Variants in SH3BP5 observed in about 807,000 individuals in gnomAD.
The protein encoded by SH3BP5 is SH3 domain-binding protein 5.
SH3BP5 carries 22 observed loss-of-function variants against 43.3 expected under a neutral mutation model. The observed-to-expected ratio is 0.51, with a 90% CI of 0.36 to 0.73. SH3BP5 has a LOEUF of 0.73. Among genes scored for constraint, SH3BP5 ranks in the 30% least tolerant of loss-of-function variants. The probability of loss-of-function intolerance (pLI) is 0.00; values close to 1 mark genes in which losing one functional copy is unlikely to be tolerated. For missense variants in SH3BP5, 529 were observed against 586.9 expected (o/e 0.90, Z 1.02); for synonymous variants, 255 against 225.8 (o/e 1.13, Z -1.16).
intron 2 of SH3BP5, among the ~76,000 whole-genome samples, chr3:15,324,846 T>A (rs1698420601): frequency 7.4e-6 from 1 of 135,872 alleles, no homozygotes; most frequent in Non-Finnish European, 1.6e-5. Context: ...GTACCATTGC[T>A]CCTTGGGTCC....
upstream of SH3BP5, among the ~76,000 whole-genome samples, chr3:15,333,622 C>T (rs761863672): frequency 2.0e-5 from 3 of 152,124 alleles, no homozygotes; most frequent in African/African-American, 7.2e-5. Flanking sequence ...CTGGACAATA[C>T]AGCCAGACCC....
intron 2 of SH3BP5, among the ~76,000 whole-genome samples, chr3:15,316,566 A>C (rs943958602): frequency 6.6e-6 from 1 of 152,158 alleles, no homozygotes; most frequent in Non-Finnish European, 1.5e-5. Flanking sequence ...TTACATAGGC[A>C]ACAGAATGGA....
intron 2 of SH3BP5, among the ~76,000 whole-genome samples, chr3:15,325,110 A>T (rs1698428586): frequency 6.6e-6 from 1 of 152,268 alleles, no homozygotes. Context: ...TGAAAACATT[A>T]CAAATTGTGC....
chr3:15,274,881 G>A (rs997414938), intron 3 of SH3BP5, among the ~76,000 whole-genome samples: 1 of 152,206 alleles, frequency 6.6e-6, no homozygotes, highest in Non-Finnish European at 1.5e-5. Context: ...CAGATCTCAT[G>A]AGAACTCATT....
intron 2 of SH3BP5, among the ~76,000 whole-genome samples, chr3:15,319,784 G>C (rs1185039155): frequency 6.6e-6 from 1 of 152,126 alleles, no homozygotes; most frequent in Non-Finnish European, 1.5e-5. Context: ...TCAGACACAA[G>C]AGTAGGCCAT....
chr3:15,280,661 C>T (rs918324328), intron 3 of SH3BP5, among the ~76,000 whole-genome samples: 3 of 152,198 alleles, frequency 2.0e-5, no homozygotes, highest in Non-Finnish European at 4.4e-5. Flanking sequence ...GTCCCCAAAA[C>T]ACACACGCAA....
chr3:15,271,100 T>A (rs1696785258), intron 3 of SH3BP5, among the ~76,000 whole-genome samples: 1 of 152,022 alleles, frequency 6.6e-6, no homozygotes, highest in African/African-American at 2.4e-5. Context: ...TAATTTCAGC[T>A]GGGTGCAATG....
intron 3 of SH3BP5, chr3:15,271,751 C>T (rs749692522): frequency 6.6e-6 from 1 of 152,140 alleles, no homozygotes; most frequent in African/African-American, 2.4e-5. Context: ...CACAGGGAAA[C>T]TTACAATTAT....
upstream of SH3BP5, among the ~76,000 whole-genome samples, chr3:15,335,922 C>T (rs1698695908): frequency 6.6e-6 from 1 of 152,068 alleles, no homozygotes; most frequent in African/African-American, 2.4e-5. Context: ...TTTTATTTTT[C>T]ACAAGGAAGA....
chr3:15,294,402 G>A (rs772936576), intron 3 of SH3BP5, among the ~76,000 whole-genome samples: 10 of 151,964 alleles, frequency 6.6e-5, no homozygotes, highest in Non-Finnish European at 1.0e-4. Context: ...TACAAAGAGT[G>A]TTGAAATTAC....
Position 15,269,706 on chromosome 3 carries a change from C to T in SH3BP5, c.495+7G>A, listed in dbSNP as rs769131566. On this transcript the variant is annotated splice_region_variant and intron_variant, in intron 4 of 8. Transcript: ENST00000383791. The stretch of plus-strand genomic sequence containing the variant: ...ACCCCCACAGCACACCCGGCCATGA[C>T]TCATACCCTCTGAGTGGCGTGATTC... 1 of 1,583,540 alleles carries T rather than the reference C, an allele frequency of 6.3e-7. No individual in the cohort carries two copies. The highest frequency in any genetic ancestry group is 8.6e-7 in the Non-Finnish European group (1 of 1,162,226).
At chr3:15,259,129 A>C (rs2125042571) in intron 6 of SH3BP5, 79 bp from the exon 7 acceptor site, 1 of 1,141,690 alleles carries the variant, frequency 8.8e-7, no homozygotes, top group East Asian at 2.4e-5. Flanking sequence ...GTTCAAGTAC[A>C]TTTTCTGCCC....
At chr3:15,294,204 T>C (rs914741383) in intron 3 of SH3BP5, among the ~76,000 whole-genome samples, 1 of 151,532 alleles carries the variant, frequency 6.6e-6, no homozygotes, top group Non-Finnish European at 1.5e-5. Flanking sequence ...CCCAGGCCCC[T>C]AGCACAGCCT....
chr3:15,332,755 A>AC, upstream of SH3BP5: 1 of 733,658 alleles, frequency 1.4e-6, no homozygotes, highest in Non-Finnish European at 1.7e-6. Flanking sequence ...GACAGCCCCC[A>AC]CCCCCTTGTA....
intron 4 of SH3BP5, among the ~76,000 whole-genome samples, chr3:15,268,203 G>A (rs987332589): frequency 2.6e-5 from 4 of 152,206 alleles, no homozygotes; most frequent in Non-Finnish European, 5.9e-5. Context: ...AAGTCAACGC[G>A]GATTTGACTC....
At chr3:15,260,569 C>G (rs1696397221) in intron 5 of SH3BP5, 1 of 152,386 alleles carries the variant, frequency 6.6e-6, no homozygotes, top group African/African-American at 2.4e-5. Flanking sequence ...GACAAGGACA[C>G]AGGACTGCCA....
chr3:15,325,446 C>A lies in SH3BP5; in HGVS notation c.201+5058G>T, dbSNP rs958512316. ...CTCCAGCTGGAATGTTCTTCCCCCA[C>A]ATGGCCTGAGGCTTGCTCACTCTCT... On this transcript the variant is annotated intron_variant, in intron 2 of 8. Coordinates refer to ENST00000383791, the MANE Select transcript of SH3BP5 (RefSeq NM_004844.5). 3.9e-5 allele frequency among the ~76,000 whole-genome samples: 6 copies of A among 152,356 alleles called. No individual in the cohort carries two copies. In the South Asian group the frequency reaches 1.0e-3, roughly 26 times the overall value.
At chr3:15,280,343 AGGGG>A (rs1697088406) in intron 3 of SH3BP5, among the ~76,000 whole-genome samples, 1 of 152,082 alleles carries the variant, frequency 6.6e-6, no homozygotes, top group Admixed American at 6.6e-5. Context: ...GGTGCAAGGC[AGGGG>A]CCTGAGCTGG....
chr3:15,304,069 C>T (rs781687516), intron 3 of SH3BP5, 34 bp downstream of exon 3: 21 of 1,584,976 alleles, frequency 1.3e-5, no homozygotes, highest in South Asian at 8.8e-5. Flanking sequence ...TAGTGAGGCT[C>T]GAGGTAGGGG....
Sources: gnomAD v4.1 joint callset for allele counts (sites outside exome capture counted in the v4.1 genomes callset) on GRCh38, gnomAD v4.1.1 for gene constraint, MANE v1.5 for transcripts, NCBI Gene and HGNC (gene_info 2026-07-23, HGNC 2026-07-21) for gene names.